Variants in STK3 observed in about 807,000 individuals in gnomAD.
The protein encoded by STK3 is serine/threonine kinase 3, also known as serine/threonine-protein kinase 3.
In STK3, 41 loss-of-function variants were observed where a neutral mutation model predicts 58.0. The ratio of observed to expected loss-of-function variants is 0.71; its 90% CI spans 0.55 to 0.92. The LOEUF (loss-of-function observed/expected upper bound fraction) is 0.92, where lower values mean the gene tolerates loss of function less well. STK3 is among the 40% of genes least tolerant of loss of function. STK3 has a pLI of 0.00. For missense variants in STK3, 479 were observed against 602.7 expected, an observed-to-expected ratio of 0.79 and a Z score of 2.15; for synonymous variants, 170 against 191.0, an observed-to-expected ratio of 0.89 and a Z score of 0.91.
At chr8:98,688,834 A>G (rs994316570) in intron 6 of STK3, among the ~76,000 whole-genome samples, 1 of 152,200 alleles carries the variant, frequency 6.6e-6, no homozygotes, top group African/African-American at 2.4e-5. Flanking sequence ...TCTCAAATTA[A>G]CAATCTAACC....
chr8:98,644,902 C>G (rs1820285229), intron 6 of STK3, among the ~76,000 whole-genome samples: 1 of 152,168 alleles, frequency 6.6e-6, no homozygotes, highest in East Asian at 1.9e-4. Context: ...GAAAGTATGG[C>G]TCCACGTATT....
At chr8:98,377,556 TA>T (rs1214692387) in intron 2 of STK3, among the ~76,000 whole-genome samples, 1 of 151,898 alleles carries the variant, frequency 6.6e-6, no homozygotes, top group Non-Finnish European at 1.5e-5. Context: ...ATAATTATAC[TA>T]AAAACATTCA....
intron 3 of STK3, among the ~76,000 whole-genome samples, chr8:98,408,450 A>G (rs1279042952): frequency 1.3e-5 from 2 of 152,218 alleles, no homozygotes; most frequent in East Asian, 3.8e-4. Context: ...AGCTAGTGGA[A>G]GTGCACATTG....
At chr8:98,578,454 C>T (rs1405600887) in intron 8 of STK3, among the ~76,000 whole-genome samples, 1 of 152,188 alleles carries the variant, frequency 6.6e-6, no homozygotes, top group African/African-American at 2.4e-5. Flanking sequence ...CATGTAGCTG[C>T]ATATCTAAAG....
At chr8:98,552,385 A>G (rs1189248756) in intron 8 of STK3, among the ~76,000 whole-genome samples, 1 of 152,096 alleles carries the variant, frequency 6.6e-6, no homozygotes, top group Non-Finnish European at 1.5e-5. Context: ...CAAAACCTTT[A>G]TCATGTCCAA....
At chr8:98,724,675 G>A (rs1375327932) in intron 4 of STK3, among the ~76,000 whole-genome samples, 1 of 152,144 alleles carries the variant, frequency 6.6e-6, no homozygotes, top group African/African-American at 2.4e-5. Flanking sequence ...AAAAATAACA[G>A]TAGTAGTAGT....
At chr8:98,857,008 T>C (rs1488457178) in intron 3 of STK3, among the ~76,000 whole-genome samples, 1 of 151,888 alleles carries the variant, frequency 6.6e-6, no homozygotes, top group Non-Finnish European at 1.5e-5. Flanking sequence ...AATAGAGAAA[T>C]CTATAAAGAA....
At chr8:98,400,709 A>G (rs1817933600), downstream of STK3, among the ~76,000 whole-genome samples, 1 of 152,144 alleles carries the variant, frequency 6.6e-6, no homozygotes, top group Admixed American at 6.5e-5. Flanking sequence ...CCTATTCTTC[A>G]TCCATGTTCT....
chr8:98,732,044 CAA>C (rs1381981922), intron 4 of STK3, among the ~76,000 whole-genome samples: 2 of 152,022 alleles, frequency 1.3e-5, no homozygotes, highest in African/African-American at 4.8e-5. Flanking sequence ...AAGGAATAAT[CAA>C]AAGAGTTCTT....
chr8:98,600,933 A>G (rs1816289994), intron 6 of STK3, among the ~76,000 whole-genome samples: 1 of 152,236 alleles, frequency 6.6e-6, no homozygotes, highest in Non-Finnish European at 1.5e-5. Context: ...AAGATGGTAT[A>G]GAATCTTAAA....
chr8:98,702,253 A>T (rs554423507), intron 6 of STK3, among the ~76,000 whole-genome samples: 1 of 152,360 alleles, frequency 6.6e-6, no homozygotes, highest in South Asian at 2.1e-4. Context: ...GAATGATAAA[A>T]GAAATAATCA....
At chr8:98,397,800 T>C (rs909211471), downstream of STK3, among the ~76,000 whole-genome samples, 1 of 152,094 alleles carries the variant, frequency 6.6e-6, no homozygotes, top group Non-Finnish European at 1.5e-5. Flanking sequence ...CAAGATCTGA[T>C]GGTTTAAAAG....
intron 4 of STK3, among the ~76,000 whole-genome samples, chr8:98,746,486 G>A (rs1205072799): frequency 6.6e-6 from 1 of 151,920 alleles, no homozygotes; most frequent in African/African-American, 2.4e-5. Context: ...GGTACCACAC[G>A]ACTGTGGTTC....
intron 10 of STK3, among the ~76,000 whole-genome samples, chr8:98,506,626 G>T (rs957179506): frequency 5.3e-4 from 80 of 151,988 alleles, no homozygotes; most frequent in African/African-American, 1.8e-3. Context: ...CAAGAGAACT[G>T]CTTGAACCCA....
chr8:98,885,686 C>T (rs1049550066), intron 1 of STK3, among the ~76,000 whole-genome samples: 1 of 152,194 alleles, frequency 6.6e-6, no homozygotes, highest in Admixed American at 6.5e-5. Context: ...GTGATCTGCC[C>T]GCCTCGGCCT....
intron 9 of STK3, among the ~76,000 whole-genome samples, chr8:98,541,140 C>T (rs1810225180): frequency 6.6e-6 from 1 of 152,162 alleles, no homozygotes; most frequent in African/African-American, 2.4e-5. Context: ...GCCTTCTCCT[C>T]TAGGCTTTCC....
At chr8:98,871,238 T>C (rs1451361237) in intron 3 of STK3, among the ~76,000 whole-genome samples, 2 of 152,228 alleles carry the variant, frequency 1.3e-5, no homozygotes, top group African/African-American at 4.8e-5. Flanking sequence ...GCTGTTTTGA[T>C]TACTGTAGCC....
intron 10 of STK3, among the ~76,000 whole-genome samples, chr8:98,507,184 T>C (rs1243397199): frequency 6.6e-6 from 1 of 152,166 alleles, no homozygotes; most frequent in African/African-American, 2.4e-5. Context: ...ATATACTGAT[T>C]ACCACAAATT....
rs187945433 is a variant in STK3 at position 98,889,291 on chromosome 8, C to A, written c.-78-5457G>T. Among the ~76,000 whole-genome samples the A allele has an allele frequency of 4.6e-5, 7 of 152,328 alleles. No individual in the cohort carries two copies. The East Asian group carries it at 1.2e-3, about 25-fold the overall frequency. On this transcript the variant is annotated intron_variant, in intron 1 of 1. Transcript: ENST00000519420. ...ATGCATGGGCTTTTACAGAGAGCTG[C>A]TGCCAGCGACAGCAGAAATGGCTCT...
Sources: gnomAD v4.1 joint callset for allele counts (sites outside exome capture counted in the v4.1 genomes callset) on GRCh38, gnomAD v4.1.1 for gene constraint, MANE v1.5 for transcripts, NCBI Gene and HGNC (gene_info 2026-07-23, HGNC 2026-07-21) for gene names.